The following IFI16 variants were observed in gnomAD, a reference collection of about 807,000 sequenced individuals.
The protein encoded by IFI16 is gamma-interferon-inducible protein 16.
In IFI16, 49 loss-of-function variants were observed where a neutral mutation model predicts 68.4. The observed-to-expected ratio is 0.72, with a 90% CI of 0.57 to 0.91. The LOEUF is 0.91. Ranked by LOEUF, IFI16 falls within the 40% of genes least tolerant of loss-of-function variation. The pLI, the probability that IFI16 is intolerant of heterozygous loss-of-function variation, is 0.00. For synonymous variants in IFI16, 307 were observed against 315.0 expected, an observed-to-expected ratio of 0.97 and a Z score of 0.27; for missense variants, 878 against 942.9, an observed-to-expected ratio of 0.93 and a Z score of 0.90.
chr1:159,022,398 C>T (rs1056009904), intron 6 of IFI16, among the ~76,000 whole-genome samples: 2 of 152,186 alleles, frequency 1.3e-5, no homozygotes, highest in African/African-American at 2.4e-5. Flanking sequence ...AGGGTACACT[C>T]GCCAGCAGTT....
At chr1:159,051,358 CT>C (rs1265593851) in intron 9 of IFI16, among the ~76,000 whole-genome samples, 1 of 152,168 alleles carries the variant, frequency 6.6e-6, no homozygotes, top group Non-Finnish European at 1.5e-5. Context: ...TTCATGGCAG[CT>C]TTGCCTTTAC....
At chr1:159,052,638 T>C (rs1199154620) in intron 10 of IFI16, 1 of 152,826 alleles carries the variant, frequency 6.5e-6, no homozygotes, top group African/African-American at 2.4e-5. Context: ...CATTCATTAA[T>C]TCATCAGGAG....
rs541307256 is a variant in IFI16 at position 159,018,330 on chromosome 1, A to G, written c.651A>G (p.Glu217=). 1 of 1,614,090 alleles carries G rather than the reference A, an allele frequency of 6.2e-7. No homozygotes were observed. Among genetic ancestry groups the G allele is most frequent in the East Asian group, 2.2e-5 (1 of 44,884 alleles). The change falls in exon 5 of 12, where the codon GAA becomes GAG. Residue 217 remains glutamate (E), a synonymous_variant. Transcript: ENST00000295809. ...VKVLSTTKPF[E]YETPEMEKKI... is the part of the protein sequence containing the mutation. Reference sequence around the variant, plus strand: ...TACTGAGTACAACAAAGCCATTTGAATATGAGACCCCAGAAATGGAGAAAA... The same window carrying G: ...TACTGAGTACAACAAAGCCATTTGAGTATGAGACCCCAGAAATGGAGAAAA...
intron 7 of IFI16, among the ~76,000 whole-genome samples, chr1:159,033,507 T>C (rs984412280): frequency 5.9e-5 from 9 of 152,240 alleles, no homozygotes; most frequent in African/African-American, 2.2e-4. Flanking sequence ...TTACGTGTTG[T>C]TCCTGATGTA....
At chr1:159,005,765 G>C (rs1652231106), upstream of IFI16, among the ~76,000 whole-genome samples, 1 of 152,156 alleles carries the variant, frequency 6.6e-6, no homozygotes, top group Non-Finnish European at 1.5e-5. Context: ...ATGCATACTG[G>C]CACCAAGATG....
At chr1:159,023,651 G>A (rs1301023743) in intron 6 of IFI16, among the ~76,000 whole-genome samples, 1 of 151,798 alleles carries the variant, frequency 6.6e-6, no homozygotes, top group Admixed American at 6.6e-5. Flanking sequence ...TTGGTGAAAT[G>A]CCAGGGTGCA....
intron 7 of IFI16, among the ~76,000 whole-genome samples, chr1:159,043,085 T>A (rs1654765039): frequency 6.6e-6 from 1 of 152,206 alleles, no homozygotes; most frequent in Non-Finnish European, 1.5e-5. Context: ...GCTTTCTACA[T>A]GTGGGTTTTC....
intron 8 of IFI16, among the ~76,000 whole-genome samples, chr1:159,046,825 G>T (rs573773207): frequency 6.6e-6 from 1 of 151,116 alleles, no homozygotes; most frequent in Non-Finnish European, 1.5e-5. Flanking sequence ...GCCTTCATAG[G>T]TACCTTTCTA....
At chr1:159,019,780 A>G (rs967348008) in intron 5 of IFI16, among the ~76,000 whole-genome samples, 1 of 152,160 alleles carries the variant, frequency 6.6e-6, no homozygotes, top group African/African-American at 2.4e-5. Context: ...TCTTAAAGAG[A>G]TGATTCTTAC....
chr1:159,045,972 G>A (rs1390099410), intron 8 of IFI16, among the ~76,000 whole-genome samples: 1 of 143,408 alleles, frequency 7.0e-6, no homozygotes, highest in African/African-American at 2.7e-5. Flanking sequence ...TATATACAAA[G>A]AGTCTTATTA....
chr1:159,053,838 G>A (rs193095325), intron 11 of IFI16, 114 bp downstream of exon 11: 2 of 730,566 alleles, frequency 2.7e-6, no homozygotes, highest in Non-Finnish European at 4.4e-6. Context: ...AAGGAACAAA[G>A]CCTTGCACTT....
At chr1:159,046,066 A>G (rs1417340791) in intron 8 of IFI16, among the ~76,000 whole-genome samples, 4 of 151,288 alleles carry the variant, frequency 2.6e-5, no homozygotes, top group African/African-American at 9.7e-5. Context: ...CCATTCAACC[A>G]TACAATATAG....
chr1:159,035,385 C>T (rs1006271867), intron 7 of IFI16, among the ~76,000 whole-genome samples: 4 of 152,298 alleles, frequency 2.6e-5, no homozygotes, highest in Middle Eastern at 3.4e-3. Flanking sequence ...AACAACTATG[C>T]TTTTATCACT....
Position 159,016,670 on chromosome 1 carries a change from G to A in IFI16, c.519G>A (p.Leu173=), listed in dbSNP as rs1277207690. 6.2e-7 allele frequency: 1 copy of A among 1,614,002 alleles called. No individual in the cohort carries two copies. The highest frequency in any genetic ancestry group is 1.7e-4 in the Middle Eastern group (1 of 6,060). Residue 173 remains leucine (L), a synonymous_variant, in exon 4 of 12, where the codon TTG becomes TTA. Coordinates refer to ENST00000295809, the MANE Select transcript of IFI16 (RefSeq NM_001376587.1). ...GTTCCCCATCTCCCAAGACCTCATT[G>A]TCAGCTCCACCCAACAGTTCTTCAA... is the stretch of plus-strand genomic sequence containing the variant. The part of the protein sequence containing the change: ...MGRSPSPKTS[L]SAPPNSSSTE...
At chr1:159,029,371 T>C (rs1486430438) in intron 6 of IFI16, among the ~76,000 whole-genome samples, 3 of 152,210 alleles carry the variant, frequency 2.0e-5, no homozygotes, top group Non-Finnish European at 2.9e-5. Context: ...TTTAATCTGA[T>C]AGGTTCCTTT....
At chr1:159,015,197 G>C (rs1215669487) in intron 2 of IFI16, among the ~76,000 whole-genome samples, 3 of 152,022 alleles carry the variant, frequency 2.0e-5, no homozygotes, top group African/African-American at 7.3e-5. Flanking sequence ...GAGTTGAAGG[G>C]GGACTGAGAC....
intron 8 of IFI16, among the ~76,000 whole-genome samples, chr1:159,046,741 C>T (rs1447106454): frequency 6.6e-6 from 1 of 151,206 alleles, no homozygotes; most frequent in African/African-American, 2.4e-5. Flanking sequence ...CACGAGGTAC[C>T]AGTCTCATCT....
chr1:159,013,577 C>T (rs747750034), intron 1 of IFI16, among the ~76,000 whole-genome samples: 31 of 152,182 alleles, frequency 2.0e-4, no homozygotes, highest in African/African-American at 6.3e-4. Flanking sequence ...CTTGCACTGT[C>T]ATCATGGAAG....
intron 6 of IFI16, among the ~76,000 whole-genome samples, chr1:159,030,330 C>T (rs1398930102): frequency 6.6e-6 from 1 of 152,174 alleles, no homozygotes; most frequent in Non-Finnish European, 1.5e-5. Flanking sequence ...GGATCCACTG[C>T]TGGTAAGGTA....
Sources: allele counts gnomAD v4.1 joint callset (sites outside exome capture counted in the v4.1 genomes callset), GRCh38; gene constraint gnomAD v4.1.1; transcripts MANE v1.5; gene names NCBI Gene and HGNC (gene_info 2026-07-23, HGNC 2026-07-21).